PTPRM: variants seen among roughly 807,000 people sequenced by gnomAD.
PTPRM encodes the protein protein tyrosine phosphatase receptor type M.
PTPRM carries 47 observed loss-of-function variants against 186.7 expected under a neutral mutation model. The observed-to-expected ratio is 0.25, with a 90% confidence interval of 0.20 to 0.32. The LOEUF (loss-of-function observed/expected upper bound fraction) is 0.32, where lower values mean the gene tolerates loss of function less well. PTPRM is among the 10% of genes least tolerant of loss of function. The pLI, the probability that PTPRM is intolerant of heterozygous loss-of-function variation, is 1.00. For missense variants in PTPRM, 1,494 were observed against 1,865.0 expected, an observed-to-expected ratio of 0.80 and a Z score of 3.66; for synonymous variants, 668 against 674.9, an observed-to-expected ratio of 0.99 and a Z score of 0.16.
In PTPRM at chr18:7,630,319, C is replaced by T. The variant is rs182044732; in HGVS notation, c.73+62428C>T. Among the ~76,000 whole-genome samples, 14 of 152,086 alleles carry T rather than the reference C, an allele frequency of 9.2e-5. No homozygotes were observed. In the East Asian group the frequency reaches 2.7e-3, roughly 30 times the overall value. Reference sequence around the variant, plus strand: ...CCCTGAAGAGGGAGGAGGGTGTTTCCCAAAGGTGATATAGACAAGAGAGCA... The same window carrying T: ...CCCTGAAGAGGGAGGAGGGTGTTTCTCAAAGGTGATATAGACAAGAGAGCA... On this transcript the variant is annotated intron_variant, in intron 1 of 32. Transcript: ENST00000580170.
At chr18:7,852,850 T>G (rs2046931701) in intron 2 of PTPRM, among the ~76,000 whole-genome samples, 1 of 152,092 alleles carries the variant, frequency 6.6e-6, no homozygotes, top group Non-Finnish European at 1.5e-5. Flanking sequence ...AGAGAGACCC[T>G]GTCAATCAAC....
chr18:8,266,363 C>CAAAA lies in PTPRM; in HGVS notation c.2754+12962_2754+12965dup, dbSNP rs10678321. On this transcript the variant is annotated intron_variant, in intron 19 of 32. Transcript: ENST00000580170. ...CTTCACTGTAAACCTTGCTACCACTCAAAAAAAAAAAAAAAAGAATCGTGA... is the reference window on the plus strand; with the variant it reads ...CTTCACTGTAAACCTTGCTACCACTCAAAAAAAAAAAAAAAAAAAAGAATCGTGA... Among the ~76,000 whole-genome samples the CAAAA allele has an allele frequency of 8.4e-3, 1,095 of 130,814 alleles. 22 individuals carry two copies. Among genetic ancestry groups the CAAAA allele is most frequent in the African/African-American group, 0.029 (985 of 34,406 alleles). 85.8% of individuals were successfully genotyped at this position (130,814 alleles called of 152,430 possible). A position where few individuals can be genotyped will look rare whatever the true frequency, so the allele number is the denominator to read the frequency against.
chr18:8,090,805 G>A (rs1020771697), intron 11 of PTPRM, among the ~76,000 whole-genome samples: 1 of 152,146 alleles, frequency 6.6e-6, no homozygotes, highest in African/African-American at 2.4e-5. Flanking sequence ...ATGTTGACCA[G>A]GCTCGTCTTG....
intron 7 of PTPRM, among the ~76,000 whole-genome samples, chr18:8,012,142 C>T (rs2084571516): frequency 1.3e-5 from 2 of 152,192 alleles, no homozygotes; most frequent in African/African-American, 4.8e-5. Flanking sequence ...TACTTGAGCA[C>T]TATAGTGAAT....
intron 7 of PTPRM, among the ~76,000 whole-genome samples, chr18:8,025,389 G>A (rs1301310751): frequency 6.6e-6 from 1 of 152,160 alleles, no homozygotes; most frequent in Non-Finnish European, 1.5e-5. Flanking sequence ...AGACATAAAG[G>A]TTATGACTGG....
At chr18:8,137,923 A>G (rs368972005) in intron 13 of PTPRM, among the ~76,000 whole-genome samples, 3 of 151,852 alleles carry the variant, frequency 2.0e-5, no homozygotes, top group Non-Finnish European at 2.9e-5. Context: ...ACTGTGGTCA[A>G]CTCCCTGAAG....
chr18:7,665,711 G>A (rs763523539), intron 1 of PTPRM, among the ~76,000 whole-genome samples: 3 of 152,112 alleles, frequency 2.0e-5, no homozygotes, highest in Non-Finnish European at 4.4e-5. Context: ...TGGATCATGA[G>A]GTCAGGAGAT....
At chr18:8,143,571 C>A (rs369971141) in intron 13 of PTPRM, 76 bp from the exon 14 acceptor site, 2 of 1,479,824 alleles carry the variant, frequency 1.4e-6, no homozygotes, top group Non-Finnish European at 1.9e-6. Context: ...TTAAATGCAG[C>A]GAAATTTTTT....
At chr18:8,365,996 G>T (rs1450604781) in intron 23 of PTPRM, among the ~76,000 whole-genome samples, 1 of 152,128 alleles carries the variant, frequency 6.6e-6, no homozygotes, top group East Asian at 1.9e-4. Context: ...GGGGAGAGGG[G>T]GGCTTCAATA....
chr18:7,876,231 A>G (rs750936150), intron 2 of PTPRM, among the ~76,000 whole-genome samples: 3 of 152,116 alleles, frequency 2.0e-5, no homozygotes, highest in Non-Finnish European at 4.4e-5. Context: ...AAATTTTCAA[A>G]TTGGTTATCC....
intron 4 of PTPRM, among the ~76,000 whole-genome samples, chr18:7,912,678 A>AT (rs374480635): frequency 0.3 from 43,436 of 145,346 alleles, 6,614 homozygotes; most frequent in Middle Eastern, 0.47. Context: ...CGCCCGGCTA[A>AT]TTTTTTTTTT....
At chr18:7,658,155 C>T (rs1222006131) in intron 1 of PTPRM, among the ~76,000 whole-genome samples, 2 of 151,830 alleles carry the variant, frequency 1.3e-5, no homozygotes, top group African/African-American at 4.8e-5. Context: ...ACAACTGAAG[C>T]TTCATGCCCT....
intron 23 of PTPRM, among the ~76,000 whole-genome samples, chr18:8,355,899 G>T (rs1017207414): frequency 2.0e-5 from 3 of 152,204 alleles, no homozygotes; most frequent in East Asian, 3.8e-4. Context: ...TGCTAAGACA[G>T]TGAGCTCTCT....
At chr18:7,885,494 G>T (rs1161368266) in intron 2 of PTPRM, among the ~76,000 whole-genome samples, 1 of 152,090 alleles carries the variant, frequency 6.6e-6, no homozygotes, top group Admixed American at 6.6e-5. Context: ...GAGGACAGTT[G>T]CCCCTCATCA....
Position 7,584,045 on chromosome 18 carries a change from G to A in PTPRM, c.73+16154G>A, listed in dbSNP as rs146744001. Among the ~76,000 whole-genome samples the A allele has an allele frequency of 3.8e-3, 576 of 152,156 alleles. 4 individuals carry two copies. Among genetic ancestry groups the A allele is most frequent in the African/African-American group, 0.013 (533 of 41,510 alleles). On this transcript the variant is annotated intron_variant, in intron 1 of 32. Coordinates refer to ENST00000580170, the MANE Select transcript of PTPRM (RefSeq NM_001105244.2). ...TAGTGAGTAAATTCTTACTTTATCCGCAATGGGAAAGAACTGTTTGGTATA... is the reference window on the plus strand; with the variant it reads ...TAGTGAGTAAATTCTTACTTTATCCACAATGGGAAAGAACTGTTTGGTATA...
At chr18:8,282,921 G>C (rs2094918985) in intron 19 of PTPRM, among the ~76,000 whole-genome samples, 1 of 152,166 alleles carries the variant, frequency 6.6e-6, no homozygotes, top group Non-Finnish European at 1.5e-5. Flanking sequence ...ATGAACTAAT[G>C]ATATAGACAA....
At chr18:8,294,525 C>T (rs1316633445) in intron 19 of PTPRM, among the ~76,000 whole-genome samples, 2 of 152,064 alleles carry the variant, frequency 1.3e-5, no homozygotes, top group African/African-American at 4.8e-5. Context: ...CAATTACCTC[C>T]CACCAGGTCC....
chr18:8,160,831 T>C (rs2093217105), intron 14 of PTPRM, among the ~76,000 whole-genome samples: 1 of 152,226 alleles, frequency 6.6e-6, no homozygotes, highest in Admixed American at 6.5e-5. Context: ...GCATCTGTGA[T>C]AAACATTGAT....
chr18:7,972,367 C>T (rs1424011260), intron 7 of PTPRM, among the ~76,000 whole-genome samples: 9 of 123,792 alleles, frequency 7.3e-5, no homozygotes, highest in Non-Finnish European at 1.3e-4. Context: ...TGCTAGATGA[C>T]GATTTAGTGG....
Sources: allele counts gnomAD v4.1 joint callset (sites outside exome capture counted in the v4.1 genomes callset), GRCh38; gene constraint gnomAD v4.1.1; transcripts MANE v1.5; gene names NCBI Gene and HGNC (gene_info 2026-07-23, HGNC 2026-07-21).